The following TMEM50B variants were observed in gnomAD, a reference collection of about 807,000 sequenced individuals.
TMEM50B encodes HCV p7-trans-regulated protein 3.
In TMEM50B, 14 loss-of-function variants were observed where a neutral mutation model predicts 23.4. The ratio of observed to expected loss-of-function variants is 0.60; its 90% CI spans 0.39 to 0.93. TMEM50B has a LOEUF of 0.93. TMEM50B is among the 40% of genes least tolerant of loss of function. The pLI, the probability that TMEM50B is intolerant of heterozygous loss-of-function variation, is 0.00. For missense variants in TMEM50B, 159 were observed against 193.0 expected, an observed-to-expected ratio of 0.82 and a Z score of 1.04; for synonymous variants, 64 against 62.3, an observed-to-expected ratio of 1.03 and a Z score of -0.13.
At chr21:33,478,762 AG>A (rs2084398115) in intron 1 of TMEM50B, 1 of 470,474 alleles carries the variant, frequency 2.1e-6, no homozygotes, top group African/African-American at 2.0e-5. Context: ...TTAAAAAAAA[AG>A]TTTAATGTTT....
At chr21:33,471,424 G>C (rs1279448995) in intron 1 of TMEM50B, among the ~76,000 whole-genome samples, 1 of 152,068 alleles carries the variant, frequency 6.6e-6, no homozygotes, top group South Asian at 2.1e-4. Flanking sequence ...ACAGTCAATA[G>C]AAATAAATCC....
Position 33,467,065 on chromosome 21 carries a change from G to C in TMEM50B, c.157C>G (p.Gln53Glu). 1 of 1,614,190 alleles carries C rather than the reference G, an allele frequency of 6.2e-7. No individual in the cohort carries two copies. Among genetic ancestry groups the C allele is most frequent in the Non-Finnish European group, 8.5e-7 (1 of 1,180,034 alleles). Residue 53 changes from glutamine (Q) to glutamate (E), a missense_variant, in exon 3 of 7, where the codon CAG (glutamine) becomes GAG (glutamate). By Grantham distance (29) the Gln-to-Glu change is conservative. Transcript: ENST00000542230. ...CATGTGTGAAAGGCATGGTTCAACT[G>C]TTCTGGCTTAGGATACACCACAGCT... ...DAAVVYPKPE[Q>E]LNHAFHTCGV...
intron 4 of TMEM50B, among the ~76,000 whole-genome samples, chr21:33,462,009 T>C (rs1017622006): frequency 2.0e-5 from 3 of 152,180 alleles, no homozygotes; most frequent in Admixed American, 2.0e-4. Context: ...TTTCTCTTGT[T>C]TGCTTTGGCT....
At chr21:33,467,682 C>G (rs772023467) in intron 2 of TMEM50B, among the ~76,000 whole-genome samples, 6 of 152,160 alleles carry the variant, frequency 3.9e-5, no homozygotes, top group Non-Finnish European at 5.9e-5. Flanking sequence ...TGCCTCTAAT[C>G]CTAGCTACTT....
At chr21:33,454,521 G>A (rs1017437510) in intron 6 of TMEM50B, among the ~76,000 whole-genome samples, 11 of 151,926 alleles carry the variant, frequency 7.2e-5, no homozygotes, top group Non-Finnish European at 1.5e-4. Flanking sequence ...GGCTGGTCTC[G>A]AACCCCTGAC....
At chr21:33,460,391 T>C (rs1251766404) in intron 5 of TMEM50B, 22 bp downstream of exon 5, 1 of 1,449,120 alleles carries the variant, frequency 6.9e-7, no homozygotes, top group African/African-American at 1.4e-5. Context: ...TCCTATAAAA[T>C]ACAAGAAGAA....
chr21:33,468,799 G>C lies in TMEM50B; in HGVS notation c.87C>G (p.Val29=), dbSNP rs781439846. Residue 29 remains valine, a synonymous_variant, in exon 2 of 7, where the codon GTC becomes GTG. Coordinates refer to ENST00000542230, the MANE Select transcript of TMEM50B (RefSeq NM_006134.7). ...CTTTCTCACTTACCAATATACCTGC[G>C]ACAACAGATGCCACAGCATTTCTTC... The part of the protein sequence containing the change: ...SERRNAVASV[V]AGILFFTGWW... 2 of 1,613,572 alleles carry C rather than the reference G, an allele frequency of 1.2e-6. No homozygotes were observed. The highest frequency in any genetic ancestry group is 1.7e-6 in the Non-Finnish European group (2 of 1,179,868).
At chr21:33,454,149 A>G (rs2084147963) in intron 6 of TMEM50B, among the ~76,000 whole-genome samples, 2 of 151,144 alleles carry the variant, frequency 1.3e-5, no homozygotes, top group Admixed American at 1.3e-4. Context: ...CATAGAATGG[A>G]CTTCATTTTG....
chr21:33,451,821 AAGG>A (rs1409608156), intron 6 of TMEM50B, among the ~76,000 whole-genome samples: 1 of 139,120 alleles, frequency 7.2e-6, no homozygotes, highest in African/African-American at 2.9e-5. Context: ...GAAAAATAAC[AAGG>A]AGTTTCTTAA....
downstream of TMEM50B, chr21:33,447,222 CTTT>C (rs34366081): frequency 0.19 from 28,065 of 151,632 alleles, 3,158 homozygotes; most frequent in Non-Finnish European, 0.24. Flanking sequence ...TCCCAAGCTT[CTTT>C]GACACACACA....
chr21:33,452,717 A>T (rs978702987), intron 6 of TMEM50B, among the ~76,000 whole-genome samples: 1 of 152,226 alleles, frequency 6.6e-6, no homozygotes, highest in Non-Finnish European at 1.5e-5. Flanking sequence ...AACAAAGCTT[A>T]AAAACATTTA....
intron 6 of TMEM50B, among the ~76,000 whole-genome samples, chr21:33,455,260 G>A (rs1176195511): frequency 1.3e-5 from 2 of 151,892 alleles, no homozygotes; most frequent in African/African-American, 4.8e-5. Flanking sequence ...GTGCAGCCTT[G>A]CCTCACTGCA....
chr21:33,450,699 T>C lies in TMEM50B; in HGVS notation c.*119A>G, dbSNP rs1267909249. On this transcript the variant is annotated 3_prime_UTR_variant, in exon 7 of 7. Coordinates refer to ENST00000542230, the MANE Select transcript of TMEM50B (RefSeq NM_006134.7). ...TATTTCAAAACTCAGAACATAAAAA[T>C]GTAAAGAAACAAAACATTTAATGTA... 1 of 738,216 alleles carries C rather than the reference T, an allele frequency of 1.4e-6. No homozygotes were observed. The highest frequency in any genetic ancestry group is 2.2e-6 in the Non-Finnish European group (1 of 454,908). The allele number at this position is 738,216 out of a possible 1,614,324, so 45.7% of individuals were successfully genotyped here. A position where few individuals can be genotyped will look rare whatever the true frequency, so the allele number is the denominator to read the frequency against.
exon 9 of TMEM50B, chr21:33,432,555 G>GC: frequency 1.1e-6 from 1 of 900,704 alleles, no homozygotes; most frequent in East Asian, 2.5e-5. Context: ...ATTGACTTTA[G>GC]CTATTAATGT....
downstream of TMEM50B, among the ~76,000 whole-genome samples, chr21:33,446,679 C>CAAAAAAAAAAAAAAAA (rs1409384682): frequency 9.8e-6 from 1 of 102,358 alleles, no homozygotes; most frequent in African/African-American, 3.7e-5. Flanking sequence ...AAAAAAAAAA[C>CAAAAAAAAAAAAAAAA]CTCTAAGAAA....
At chr21:33,473,399 G>A (rs1006711581) in intron 1 of TMEM50B, among the ~76,000 whole-genome samples, 2 of 149,918 alleles carry the variant, frequency 1.3e-5, no homozygotes, top group African/African-American at 2.5e-5. Context: ...GTTGCAGTGA[G>A]CTGAGATCGC....
intron 8 of TMEM50B, among the ~76,000 whole-genome samples, chr21:33,438,719 G>C (rs919850632): frequency 3.0e-5 from 4 of 132,386 alleles, no homozygotes; most frequent in African/African-American, 1.3e-4. Flanking sequence ...TGTACTGCTG[G>C]TAAGAAAGTG....
intron 7 of TMEM50B, among the ~76,000 whole-genome samples, chr21:33,441,649 A>C (rs757518782): frequency 2.0e-4 from 30 of 152,072 alleles, no homozygotes; most frequent in Non-Finnish European, 4.4e-4. Flanking sequence ...ATTTATTTAG[A>C]GACAGAGTCT....
intron 1 of TMEM50B, among the ~76,000 whole-genome samples, chr21:33,472,605 G>A (rs1016767829): frequency 3.3e-5 from 5 of 152,068 alleles, no homozygotes; most frequent in East Asian, 3.9e-4. Flanking sequence ...GGCTGGGCAC[G>A]GTGGCTCACA....
Sources: allele counts gnomAD v4.1 joint callset (sites outside exome capture counted in the v4.1 genomes callset), GRCh38; gene constraint gnomAD v4.1.1; transcripts MANE v1.5; gene names NCBI Gene and HGNC (gene_info 2026-07-23, HGNC 2026-07-21).